Variants in USH2A observed in about 807,000 individuals in gnomAD.
USH2A encodes usherin, also known as Usher syndrome 2A (autosomal recessive, mild).
A neutral mutation model predicts 538.9 loss-of-function variants in USH2A; 443 were observed. That is an observed-to-expected ratio of 0.82 (90% confidence interval 0.76 to 0.89). The LOEUF (loss-of-function observed/expected upper bound fraction) is 0.89, where lower values mean the gene tolerates loss of function less well. Ranked by LOEUF, USH2A falls within the 40% of genes least tolerant of loss-of-function variation. The pLI is 0.00. For synonymous variants in USH2A, 2,413 were observed against 2,273.5 expected, an observed-to-expected ratio of 1.06 and a Z score of -1.75; for missense variants, 6,633 against 6,324.8, an observed-to-expected ratio of 1.05 and a Z score of -1.65.
rs766225635 is a variant in USH2A at position 215,655,725 on chromosome 1, C to CTTTTTTTTTTTTTTTTT, written c.14134-4941_14134-4925dup. On this transcript the variant is annotated intron_variant, in intron 64 of 71. Transcript: ENST00000307340. ...TGCTTCTGTTACTGTGCTAGTTATT[C>CTTTTTTTTTTTTTTTTT]TTTTTTTTTTTTTTTTTTTTTTTTC... Among the ~76,000 whole-genome samples, 43 of 96,184 alleles carry CTTTTTTTTTTTTTTTTT rather than the reference C, an allele frequency of 4.5e-4. 1 individual carries two copies. The highest frequency in any genetic ancestry group is 1.5e-3 in the African/African-American group (40 of 25,930). 63.1% of individuals were successfully genotyped at this position (96,184 alleles called of 152,430 possible). A position where few individuals can be genotyped will look rare whatever the true frequency, so the allele number is the denominator to read the frequency against.
At chr1:216,110,911 C>T (rs1322325043) in intron 21 of USH2A, among the ~76,000 whole-genome samples, 2 of 152,138 alleles carry the variant, frequency 1.3e-5, no homozygotes, top group Non-Finnish European at 2.9e-5. Flanking sequence ...CAGACTGTCT[C>T]TTTCTTGTTG....
intron 32 of USH2A, among the ~76,000 whole-genome samples, chr1:216,010,900 A>G (rs1668547349): frequency 6.6e-6 from 1 of 151,836 alleles, no homozygotes; most frequent in Non-Finnish European, 1.5e-5. Flanking sequence ...CACAAGTATA[A>G]GATACCTCTA....
chr1:216,173,614 G>T (rs1032698594), intron 21 of USH2A, among the ~76,000 whole-genome samples: 12 of 152,148 alleles, frequency 7.9e-5, no homozygotes, highest in Admixed American at 5.2e-4. Context: ...CCCAGACACT[G>T]CATCTGCCCC....
intron 4 of USH2A, among the ~76,000 whole-genome samples, chr1:216,351,731 G>T (rs562579237): frequency 6.6e-6 from 1 of 152,028 alleles, no homozygotes; most frequent in East Asian, 1.9e-4. Context: ...CAGTAATCCC[G>T]GCAAAGCAGC....
At chr1:216,227,437 G>A (rs2035583964) in intron 14 of USH2A, among the ~76,000 whole-genome samples, 2 of 152,172 alleles carry the variant, frequency 1.3e-5, no homozygotes. Context: ...AAAGGAAGGA[G>A]TTTGTAGAAT....
intron 61 of USH2A, among the ~76,000 whole-genome samples, chr1:215,690,683 G>A (rs554426611): frequency 2.5e-4 from 36 of 146,052 alleles, no homozygotes; most frequent in Admixed American, 5.5e-4. Flanking sequence ...AGTTGATGAC[G>A]ACTTCATTCT....
rs77458737 is a variant in USH2A, at chr1:216,100,644, T to C, written c.4628-3431A>G. On this transcript the variant is annotated intron_variant, in intron 21 of 71. Coordinates refer to ENST00000307340, the MANE Select transcript of USH2A (RefSeq NM_206933.4). ...TACCAGTGTGTTGGAGTCATCTATG[T>C]GGCAGTAGAGAGGAGAATAAAAACA... Among the ~76,000 whole-genome samples the C allele has an allele frequency of 4.3e-4, 66 of 152,308 alleles. 1 individual carries two copies. In the East Asian group the frequency reaches 0.011, roughly 25 times the overall value.
At chr1:215,996,489 C>A (rs902237536) in intron 34 of USH2A, among the ~76,000 whole-genome samples, 24 of 137,330 alleles carry the variant, frequency 1.7e-4, no homozygotes, top group African/African-American at 6.1e-4. Flanking sequence ...AACATATTGT[C>A]TTCTTTATTA....
Position 215,840,026 on chromosome 1 carries a change from G to A in USH2A, c.9259-1923C>T, listed in dbSNP as rs942493738. Among the ~76,000 whole-genome samples the A allele has an allele frequency of 4.6e-5, 7 of 151,764 alleles. No individual in the cohort carries two copies. In the South Asian group the frequency reaches 1.5e-3, roughly 32 times the overall value. On this transcript the variant is annotated intron_variant, in intron 46 of 71. Transcript: ENST00000307340. ...TACACACAAAAGAATAACCTGGTGTGGTGGTGGGCACCTGGAATCCTAGGT... is the reference window on the plus strand; with the variant it reads ...TACACACAAAAGAATAACCTGGTGTAGTGGTGGGCACCTGGAATCCTAGGT...
intron 61 of USH2A, among the ~76,000 whole-genome samples, chr1:215,724,562 G>A (rs113074204): frequency 0.014 from 2,087 of 152,206 alleles, 46 homozygotes; most frequent in African/African-American, 0.045. Flanking sequence ...AGATTTCACT[G>A]CTTCACAATA....
intron 30 of USH2A, among the ~76,000 whole-genome samples, chr1:216,068,681 A>G (rs530079951): frequency 8.5e-5 from 13 of 152,318 alleles, no homozygotes; most frequent in East Asian, 5.8e-4. Flanking sequence ...GAAGATTTCT[A>G]TTTTTGATAG....
At chr1:216,371,221 A>G (rs1197598962) in intron 3 of USH2A, among the ~76,000 whole-genome samples, 1 of 152,178 alleles carries the variant, frequency 6.6e-6, no homozygotes, top group East Asian at 1.9e-4. Context: ...TCCCTTTTCC[A>G]TGTGAGAGCT....
rs572584643 is a variant in USH2A at position 216,289,194 on chromosome 1, T to A, written c.1971+86A>T. ...ATAGAGGATTTCCTGGCAAATGCAG[T>A]CTTCAATTCTACTAGTGGAATAACA... On this transcript the variant is annotated intron_variant, in intron 11 of 71. Coordinates refer to ENST00000307340, the MANE Select transcript of USH2A (RefSeq NM_206933.4). The A allele has an allele frequency of 3.1e-6, 5 of 1,591,032 alleles. No homozygotes were observed. The East Asian group carries it at 1.1e-4, about 36-fold the overall frequency.
At chr1:215,777,438 T>A (rs1661496155) in intron 55 of USH2A, among the ~76,000 whole-genome samples, 1 of 152,248 alleles carries the variant, frequency 6.6e-6, no homozygotes, top group Non-Finnish European at 1.5e-5. Context: ...TGATGCTGGT[T>A]AAGTTGATAG....
chr1:215,936,943 T>C (rs1487569032), intron 37 of USH2A, among the ~76,000 whole-genome samples: 1 of 152,070 alleles, frequency 6.6e-6, no homozygotes, highest in East Asian at 1.9e-4. Flanking sequence ...GTCCAACAAA[T>C]TGTAAAAACA....
At chr1:215,731,387 A>T (rs1446420104) in intron 60 of USH2A, among the ~76,000 whole-genome samples, 2 of 152,246 alleles carry the variant, frequency 1.3e-5, no homozygotes. Context: ...GAAGTGGTTG[A>T]GTAGACCACA....
intron 56 of USH2A, among the ~76,000 whole-genome samples, chr1:215,762,336 CA>C (rs2102744502): frequency 6.6e-6 from 1 of 152,192 alleles, no homozygotes; most frequent in East Asian, 1.9e-4. Context: ...TAAAAATCAC[CA>C]AGGTACTAGA....
At chr1:215,929,177 A>G (rs1666304976) in intron 38 of USH2A, among the ~76,000 whole-genome samples, 1 of 152,140 alleles carries the variant, frequency 6.6e-6, no homozygotes, top group Non-Finnish European at 1.5e-5. Flanking sequence ...TTGTGAATAA[A>G]ATATACAATA....
chr1:216,125,077 GA>G (rs1278794941), intron 21 of USH2A, among the ~76,000 whole-genome samples: 1 of 152,010 alleles, frequency 6.6e-6, no homozygotes. Flanking sequence ...TGCTTATATA[GA>G]ACTAACAATT....
Sources: allele counts gnomAD v4.1 joint callset (sites outside exome capture counted in the v4.1 genomes callset), GRCh38; gene constraint gnomAD v4.1.1; transcripts MANE v1.5; gene names NCBI Gene and HGNC (gene_info 2026-07-23, HGNC 2026-07-21).